The following SYT13 variants were observed in gnomAD, a reference collection of about 807,000 sequenced individuals.
The protein encoded by SYT13 is synaptotagmin-13.
SYT13 carries 21 observed loss-of-function variants against 38.6 expected under a neutral mutation model. The ratio of observed to expected loss-of-function variants is 0.54; its 90% CI spans 0.39 to 0.78. The LOEUF (loss-of-function observed/expected upper bound fraction) is 0.78. Ranked by LOEUF, SYT13 falls within the 30% of genes least tolerant of loss-of-function variation. The probability of loss-of-function intolerance (pLI) is 0.00; values close to 1 mark genes in which losing one functional copy is unlikely to be tolerated. For synonymous variants in SYT13, 241 were observed against 237.6 expected (o/e 1.01, Z -0.13); for missense variants, 495 against 548.7 (o/e 0.90, Z 0.98).
At chr11:45,262,069 A>G (rs1854823879) in intron 1 of SYT13, among the ~76,000 whole-genome samples, 1 of 152,248 alleles carries the variant, frequency 6.6e-6, no homozygotes, top group African/African-American at 2.4e-5. Flanking sequence ...AGCAATCCAA[A>G]TATCTATGAA....
At chr11:45,265,112 G>T (rs896675678) in intron 1 of SYT13, among the ~76,000 whole-genome samples, 3 of 152,196 alleles carry the variant, frequency 2.0e-5, no homozygotes, top group African/African-American at 7.2e-5. Context: ...ACAGGACAAT[G>T]GAGAAGTCCA....
intron 1 of SYT13, among the ~76,000 whole-genome samples, chr11:45,262,029 G>A (rs1565385853): frequency 1.3e-5 from 2 of 152,094 alleles, no homozygotes; most frequent in Non-Finnish European, 2.9e-5. Context: ...CATGTTCATT[G>A]CAGCATTATT....
rs2135879590 is a variant in SYT13, at chr11:45,240,876, TC to T, written c.*3175del. 1 of 152,362 alleles carries T rather than the reference TC, an allele frequency of 6.6e-6. No homozygotes were observed. The highest frequency in any genetic ancestry group is 2.4e-5 in the African/African-American group (1 of 41,590). The allele number at this position is 152,362 out of a possible 1,614,324, so 9.4% of individuals were successfully genotyped here. A position where few individuals can be genotyped will look rare whatever the true frequency, so the allele number is the denominator to read the frequency against. On this transcript the variant is annotated 3_prime_UTR_variant, in exon 6 of 6. Coordinates refer to ENST00000020926, the MANE Select transcript of SYT13 (RefSeq NM_020826.3). ...TGCTCACTGGCATCACACAAGGTGT[TC>T]CTTTCGAAAATGATGAGATACTTCA...
At chr11:45,277,435 G>A (rs1339359763) in intron 1 of SYT13, among the ~76,000 whole-genome samples, 2 of 152,182 alleles carry the variant, frequency 1.3e-5, no homozygotes, top group Non-Finnish European at 1.5e-5. Flanking sequence ...TTATCAGTAC[G>A]TAGCTCAATG....
intron 1 of SYT13, among the ~76,000 whole-genome samples, chr11:45,268,152 A>T (rs1854907448): frequency 6.6e-6 from 1 of 152,164 alleles, no homozygotes; most frequent in African/African-American, 2.4e-5. Flanking sequence ...AGGATGAGAC[A>T]CAACAGGAAT....
chr11:45,257,136 G>A (rs1366332081), intron 1 of SYT13, among the ~76,000 whole-genome samples: 1 of 152,170 alleles, frequency 6.6e-6, no homozygotes, highest in Non-Finnish European at 1.5e-5. Context: ...TGGAACGAAA[G>A]GGAATCTTTC....
At chr11:45,281,902 T>C (rs940231069) in intron 1 of SYT13, among the ~76,000 whole-genome samples, 14 of 152,034 alleles carry the variant, frequency 9.2e-5, no homozygotes, top group South Asian at 2.1e-4. Context: ...TGCCAAATGG[T>C]AGGGGTACAG....
intron 4 of SYT13, among the ~76,000 whole-genome samples, chr11:45,251,410 A>AAT (rs1169921504): frequency 6.6e-6 from 1 of 150,630 alleles, no homozygotes; most frequent in Non-Finnish European, 1.5e-5. Context: ...AAAAAAAAAA[A>AAT]TAGTGCCCTA....
chr11:45,269,941 T>A (rs1024203215), intron 1 of SYT13, among the ~76,000 whole-genome samples: 3 of 152,246 alleles, frequency 2.0e-5, no homozygotes, highest in African/African-American at 7.2e-5. Flanking sequence ...GACCATGTTG[T>A]AATCTCATCA....
intron 1 of SYT13, among the ~76,000 whole-genome samples, chr11:45,260,630 A>G (rs558943317): frequency 2.6e-5 from 4 of 152,334 alleles, no homozygotes; most frequent in South Asian, 4.1e-4. Flanking sequence ...CCTGGGAAGT[A>G]TATCTGCAGG....
Position 45,243,360 on chromosome 11 carries a change from G to C in SYT13, c.*692C>G, listed in dbSNP as rs1854575331. ...GTTGAGGTGTCCAGCATTGGAACTG[G>C]CTGCACCATGGTTTTGGGACTCCAT... is the stretch of plus-strand genomic sequence containing the variant. On this transcript the variant is annotated 3_prime_UTR_variant, in exon 6 of 6. Coordinates refer to ENST00000020926, the MANE Select transcript of SYT13 (RefSeq NM_020826.3). 6.6e-6 allele frequency: 1 copy of C among 152,206 alleles called. No individual in the cohort carries two copies. Among genetic ancestry groups the C allele is most frequent in the African/African-American group, 2.4e-5 (1 of 41,446 alleles). 9.4% of individuals were successfully genotyped at this position (152,206 alleles called of 1,614,324 possible).
intron 1 of SYT13, among the ~76,000 whole-genome samples, chr11:45,264,051 CA>C (rs1480486569): frequency 6.6e-6 from 1 of 152,148 alleles, no homozygotes; most frequent in African/African-American, 2.4e-5. Context: ...GTGTAGGGAC[CA>C]GTTGATGAAC....
chr11:45,268,982 A>G (rs1220591983), intron 1 of SYT13, among the ~76,000 whole-genome samples: 1 of 152,180 alleles, frequency 6.6e-6, no homozygotes, highest in Non-Finnish European at 1.5e-5. Context: ...TATTAGAGTA[A>G]TAACTATGAT....
At chr11:45,271,256 C>T (rs931089058) in intron 1 of SYT13, among the ~76,000 whole-genome samples, 2 of 152,150 alleles carry the variant, frequency 1.3e-5, no homozygotes, top group African/African-American at 4.8e-5. Context: ...CTGATTCAAA[C>T]TTATGAAAAG....
intron 1 of SYT13, among the ~76,000 whole-genome samples, chr11:45,285,531 C>G (rs958831360): frequency 6.6e-6 from 1 of 152,102 alleles, no homozygotes; most frequent in Non-Finnish European, 1.5e-5. Flanking sequence ...CAGGCATTAC[C>G]TCTTCTCAGC....
rs1420865581 is a variant in SYT13, at chr11:45,281,207, G to A, written c.183+4818C>T. Among the ~76,000 whole-genome samples the A allele has an allele frequency of 1.2e-4, 17 of 147,626 alleles. No homozygotes were observed. In the South Asian group the frequency reaches 1.6e-3, roughly 13 times the overall value. On this transcript the variant is annotated intron_variant, in intron 1 of 5. Transcript: ENST00000020926. ...CAAGACTCTGTCTCAAAAAAAAAAAGAAAGAAAGAAATTCAGCACTTATTT... is the reference window on the plus strand; with the variant it reads ...CAAGACTCTGTCTCAAAAAAAAAAAAAAAGAAAGAAATTCAGCACTTATTT...
chr11:45,275,421 A>G (rs533322863), intron 1 of SYT13, among the ~76,000 whole-genome samples: 1 of 152,224 alleles, frequency 6.6e-6, no homozygotes, highest in East Asian at 1.9e-4. Context: ...ACTCCCCCTC[A>G]TTATTTGACT....
rs1017747622 is a variant in SYT13, at chr11:45,252,209, G to C, written c.846+212C>G. Among the ~76,000 whole-genome samples the C allele has an allele frequency of 1.3e-5, 2 of 152,206 alleles. No homozygotes were observed. Among genetic ancestry groups the C allele is most frequent in the Non-Finnish European group, 2.9e-5 (2 of 68,044 alleles). On this transcript the variant is annotated intron_variant, in intron 4 of 5. Coordinates refer to ENST00000020926, the MANE Select transcript of SYT13 (RefSeq NM_020826.3). This position sits in a 1 kb window ranked among gnomAD's most constrained non-coding sequence, Gnocchi z 4.3. Reference sequence around the variant, plus strand: ...TCTTTGCATGGCAAGTTAGAGCCAAGACTAGGAGCAGACACTAGGAATCCC... The same window carrying C: ...TCTTTGCATGGCAAGTTAGAGCCAACACTAGGAGCAGACACTAGGAATCCC...
At chr11:45,286,002 G>T in intron 1 of SYT13, 23 bp downstream of exon 1, 1 of 1,596,836 alleles carries the variant, frequency 6.3e-7, no homozygotes, top group Non-Finnish European at 8.5e-7. Flanking sequence ...CCCGGGAAGG[G>T]CCTGCGCGCC....
Sources: gnomAD v4.1 joint callset for allele counts (sites outside exome capture counted in the v4.1 genomes callset) on GRCh38, gnomAD v4.1.1 for gene constraint, Gnocchi (gnomAD v3.1) non-coding constraint, MANE v1.5 for transcripts, NCBI Gene and HGNC (gene_info 2026-07-23, HGNC 2026-07-21) for gene names.